Variants in ADCY2 observed in about 807,000 individuals in gnomAD.
The protein encoded by ADCY2 is adenylate cyclase type 2.
Under a neutral mutation model 125.2 loss-of-function variants are expected in ADCY2, and 31 were observed. That is an observed-to-expected ratio of 0.25 (90% CI 0.19 to 0.33). ADCY2 has a LOEUF of 0.33. ADCY2 is among the 10% of genes least tolerant of loss of function. The pLI, the probability that ADCY2 is intolerant of heterozygous loss-of-function variation, is 1.00. For synonymous variants in ADCY2, 512 were observed against 548.4 expected, an observed-to-expected ratio of 0.93 and a Z score of 0.93; for missense variants, 904 against 1,418.2, an observed-to-expected ratio of 0.64 and a Z score of 5.82.
chr5:7,529,104 A>G (rs1262342036), intron 3 of ADCY2, among the ~76,000 whole-genome samples: 1 of 152,182 alleles, frequency 6.6e-6, no homozygotes, highest in Non-Finnish European at 1.5e-5. Flanking sequence ...GGAGAAACCC[A>G]GTGAGTTGGT....
At chr5:7,462,790 C>G (rs1409759628) in intron 2 of ADCY2, among the ~76,000 whole-genome samples, 2 of 152,196 alleles carry the variant, frequency 1.3e-5, no homozygotes, top group Non-Finnish European at 2.9e-5. Flanking sequence ...CCTATTTGAT[C>G]ACGTGTGTGG....
rs2126521521 is a variant in ADCY2, at chr5:7,802,086, G to A, written c.2629-132G>A. On this transcript the variant is annotated intron_variant, in intron 20 of 24. Transcript: ENST00000338316. This position sits in a 1 kb window ranked among gnomAD's most constrained non-coding sequence, Gnocchi z 4.6. ...AGCATCTGGATTGGGCCGCGGCTGG[G>A]GTGGGGCAAGTGGAGTAGGCATTTG... 9.9e-7 allele frequency: 1 copy of A among 1,005,990 alleles called. No individual in the cohort carries two copies. The highest frequency in any genetic ancestry group is 2.5e-5 in the East Asian group (1 of 40,484). The allele number at this position is 1,005,990 out of a possible 1,614,324, so 62.3% of individuals were successfully genotyped here.
chr5:7,684,664 G>T (rs893881344), intron 4 of ADCY2, among the ~76,000 whole-genome samples: 1 of 152,006 alleles, frequency 6.6e-6, no homozygotes, highest in Non-Finnish European at 1.5e-5. Flanking sequence ...AAATCCAGCT[G>T]GATGGAAAGA....
At chr5:7,473,447 A>C (rs961236876) in intron 2 of ADCY2, among the ~76,000 whole-genome samples, 7 of 151,934 alleles carry the variant, frequency 4.6e-5, no homozygotes, top group Non-Finnish European at 1.0e-4. Flanking sequence ...TCATTATCTC[A>C]AGGACTGCAC....
At chr5:7,804,823 T>A (rs1293790284) in intron 22 of ADCY2, 131 bp downstream of exon 22, 3 of 656,018 alleles carry the variant, frequency 4.6e-6, no homozygotes, top group African/African-American at 1.8e-5. Context: ...AGGGTCAAGG[T>A]CCTATGAGAG....
At position 7,453,999 on chromosome 5, in the gene ADCY2, A is replaced by G. The variant is rs73737384; in HGVS notation, c.408+39229A>G. On this transcript the variant is annotated intron_variant, in intron 2 of 24. Transcript: ENST00000338316. ...CCAGTTTCAGGTTTTTTCTATCTAC[A>G]GGGAGACTGCTTTTCCCTGGTGCTG... 4.9e-3 allele frequency among the ~76,000 whole-genome samples: 752 copies of G among 152,314 alleles called. 4 individuals are homozygous for G. Among genetic ancestry groups the G allele is most frequent in the African/African-American group, 0.017 (724 of 41,554 alleles).
At chr5:7,399,065 T>G (rs773268595) in intron 1 of ADCY2, among the ~76,000 whole-genome samples, 4 of 152,240 alleles carry the variant, frequency 2.6e-5, no homozygotes, top group Non-Finnish European at 4.4e-5. Context: ...ATGGCTGCTT[T>G]GGGACCCTGC....
At chr5:7,819,351 T>C (rs185733626) in intron 23 of ADCY2, among the ~76,000 whole-genome samples, 1 of 152,202 alleles carries the variant, frequency 6.6e-6, no homozygotes, top group African/African-American at 2.4e-5. Flanking sequence ...ATCAAACTTA[T>C]ATAGACCAAA....
intron 4 of ADCY2, among the ~76,000 whole-genome samples, chr5:7,638,052 A>T (rs1279879124): frequency 1.3e-5 from 2 of 152,218 alleles, no homozygotes; most frequent in African/African-American, 2.4e-5. Context: ...AACGTGAGAA[A>T]GCAGCAACAG....
intron 16 of ADCY2, among the ~76,000 whole-genome samples, chr5:7,763,370 C>A (rs1006256184): frequency 7.2e-5 from 11 of 152,250 alleles, no homozygotes; most frequent in Non-Finnish European, 1.3e-4. Context: ...GGATGACAGG[C>A]GTGAGCCACC....
At position 7,802,122 on chromosome 5, in the gene ADCY2, G is replaced by A; in HGVS notation, c.2629-96G>A. 3.5e-6 allele frequency: 5 copies of A among 1,425,232 alleles called. No individual in the cohort carries two copies. Among genetic ancestry groups the A allele is most frequent in the Non-Finnish European group, 4.8e-6 (5 of 1,045,478 alleles). 88.3% of individuals were successfully genotyped at this position (1,425,232 alleles called of 1,614,324 possible). On this transcript the variant is annotated intron_variant, in intron 20 of 24. Coordinates refer to ENST00000338316, the MANE Select transcript of ADCY2 (RefSeq NM_020546.3). This position sits in a 1 kb window ranked among gnomAD's most constrained non-coding sequence, Gnocchi z 4.6. ...TGGAGTAGGCATTTGGGCGATGTCT[G>A]TGTGAATCCTGGCATAAACAAGCCA... is the stretch of plus-strand genomic sequence containing the variant.
At chr5:7,608,953 C>G (rs1038700065) in intron 3 of ADCY2, among the ~76,000 whole-genome samples, 11 of 152,188 alleles carry the variant, frequency 7.2e-5, no homozygotes, top group South Asian at 2.1e-4. Flanking sequence ...AGGCCTTTCT[C>G]CATGTTTCCA....
chr5:7,497,095 A>G (rs1743370040), intron 2 of ADCY2, among the ~76,000 whole-genome samples: 1 of 152,200 alleles, frequency 6.6e-6, no homozygotes. Context: ...GATAAAGCAC[A>G]TTCCCACTTA....
At chr5:7,398,217 A>G (rs1436857173) in intron 1 of ADCY2, among the ~76,000 whole-genome samples, 1 of 152,202 alleles carries the variant, frequency 6.6e-6, no homozygotes, top group Non-Finnish European at 1.5e-5. Context: ...ATATATTTAA[A>G]GACAAGTGTG....
chr5:7,425,238 G>A (rs571626982), intron 2 of ADCY2, among the ~76,000 whole-genome samples: 1 of 152,336 alleles, frequency 6.6e-6, no homozygotes, highest in South Asian at 2.1e-4. Flanking sequence ...TTTTACAAGG[G>A]AGGAAAAATG....
chr5:7,423,704 G>A (rs1229713630), intron 2 of ADCY2, among the ~76,000 whole-genome samples: 4 of 152,160 alleles, frequency 2.6e-5, no homozygotes, highest in Admixed American at 2.0e-4. Context: ...TAATACACTG[G>A]CTTGGCTGTC....
Position 7,615,774 on chromosome 5 carries a change from A to G in ADCY2, c.571-10393A>G, listed in dbSNP as rs150957834. The stretch of plus-strand genomic sequence containing the variant: ...GATCATGCAGCATTCCTTTGTTGAC[A>G]TCATGTCTTTGCAAAGCTGGGTTTT... On this transcript the variant is annotated intron_variant, in intron 3 of 24. Coordinates refer to ENST00000338316, the MANE Select transcript of ADCY2 (RefSeq NM_020546.3). Among the ~76,000 whole-genome samples the G allele has an allele frequency of 5.6e-3, 860 of 152,276 alleles. 10 individuals are homozygous for G. The highest frequency in any genetic ancestry group is 0.019 in the African/African-American group (806 of 41,550).
chr5:7,825,235 T>C (rs1734978146), intron 24 of ADCY2, among the ~76,000 whole-genome samples: 1 of 152,002 alleles, frequency 6.6e-6, no homozygotes, highest in Admixed American at 6.6e-5. Flanking sequence ...ACGACAACGC[T>C]GCTGTGTGAC....
At chr5:7,681,252 A>G (rs760829288) in intron 4 of ADCY2, among the ~76,000 whole-genome samples, 6 of 152,218 alleles carry the variant, frequency 3.9e-5, no homozygotes, top group Non-Finnish European at 7.3e-5. Flanking sequence ...TCTTTCCTGA[A>G]AAGTTGTTAT....
Sources: allele counts gnomAD v4.1 joint callset (sites outside exome capture counted in the v4.1 genomes callset), GRCh38; gene constraint gnomAD v4.1.1; non-coding constraint Gnocchi (gnomAD v3.1); transcripts MANE v1.5; gene names NCBI Gene and HGNC (gene_info 2026-07-23, HGNC 2026-07-21).